The following DLG2 variants were observed in gnomAD, a reference collection of about 807,000 sequenced individuals.
DLG2 encodes the protein disks large homolog 2.
In DLG2, 45 loss-of-function variants were observed where a neutral mutation model predicts 132.5. The observed-to-expected ratio is 0.34, with a 90% CI of 0.27 to 0.44. The LOEUF (loss-of-function observed/expected upper bound fraction) is 0.44, where lower values mean the gene tolerates loss of function less well. DLG2 is among the 20% of genes least tolerant of loss of function. The pLI is 1.00. For synonymous variants in DLG2, 424 were observed against 419.6 expected, an observed-to-expected ratio of 1.01 and a Z score of -0.13; for missense variants, 1,045 against 1,196.9, an observed-to-expected ratio of 0.87 and a Z score of 1.87.
chr11:84,836,588 G>A (rs1383277605), intron 6 of DLG2, among the ~76,000 whole-genome samples: 4 of 151,582 alleles, frequency 2.6e-5, no homozygotes, highest in African/African-American at 4.8e-5. Flanking sequence ...TCTATGTAAG[G>A]GATTATCTTT....
At chr11:84,428,812 A>G (rs996704677) in intron 7 of DLG2, among the ~76,000 whole-genome samples, 1 of 152,196 alleles carries the variant, frequency 6.6e-6, no homozygotes, top group Non-Finnish European at 1.5e-5. Flanking sequence ...TAGGATTGAG[A>G]GTGTTCAAAC....
intron 7 of DLG2, among the ~76,000 whole-genome samples, chr11:84,325,240 C>A (rs573466595): frequency 6.6e-6 from 1 of 151,932 alleles, no homozygotes; most frequent in Non-Finnish European, 1.5e-5. Context: ...ACTTTAAGTT[C>A]TAGGGCACAT....
Position 84,106,868 on chromosome 11 carries a change from TGAGA to T in DLG2, c.625-7825_625-7822del, listed in dbSNP as rs71465962. ...TTGAGTGAGTGTGTGTGTGTATGTG[TGAGA>T]GAGAGAGAGAGAGAGTTTTAGCTTT... On this transcript the variant is annotated intron_variant, in intron 9 of 27. Transcript: ENST00000376104. Among the ~76,000 whole-genome samples the T allele has an allele frequency of 2.0e-3, 273 of 137,626 alleles. 2 individuals are homozygous for T. The highest frequency in any genetic ancestry group is 6.9e-3 in the African/African-American group (252 of 36,462). The allele number at this position is 137,626 out of a possible 152,430, so 90.3% of individuals were successfully genotyped here.
At chr11:84,768,020 C>A (rs1317151855) in intron 6 of DLG2, among the ~76,000 whole-genome samples, 1 of 152,150 alleles carries the variant, frequency 6.6e-6, no homozygotes, top group Non-Finnish European at 1.5e-5. Context: ...AGGACTCAAT[C>A]TGAGTCTCAA....
At position 85,087,844 on chromosome 11, in the gene DLG2, C is replaced by CAAAA. The variant is rs71465019; in HGVS notation, c.357+23813_357+23816dup. 3.0e-3 allele frequency among the ~76,000 whole-genome samples: 65 copies of CAAAA among 22,026 alleles called. 7 individuals carry two copies. Among genetic ancestry groups the CAAAA allele is most frequent in the African/African-American group, 6.5e-3 (54 of 8,302 alleles). The allele number at this position is 22,026 out of a possible 152,430, so 14.4% of individuals were successfully genotyped here. ...TGGGCGACAGAGCGAGACTCCGTCT[C>CAAAA]AAAAAAAAAAAAAAAAAAAAAAAAA... is the stretch of plus-strand genomic sequence containing the variant. On this transcript the variant is annotated intron_variant, in intron 6 of 27. Transcript: ENST00000376104.
chr11:84,172,477 C>A (rs1026517364), intron 8 of DLG2, among the ~76,000 whole-genome samples: 2 of 151,936 alleles, frequency 1.3e-5, no homozygotes, highest in African/African-American at 4.8e-5. Context: ...ATAGCTTCTA[C>A]CACATAAAGA....
intron 3 of DLG2, among the ~76,000 whole-genome samples, chr11:85,504,113 C>G (rs556221836): frequency 6.6e-6 from 1 of 152,152 alleles, no homozygotes; most frequent in Non-Finnish European, 1.5e-5. Flanking sequence ...TGGATATTAG[C>G]TCTTTGTCAG....
intron 6 of DLG2, among the ~76,000 whole-genome samples, chr11:84,618,522 T>C (rs911286780): frequency 1.3e-5 from 2 of 152,182 alleles, no homozygotes; most frequent in East Asian, 1.9e-4. Context: ...AAGTGGGCTG[T>C]AGCAAAATGA....
intron 6 of DLG2, among the ~76,000 whole-genome samples, chr11:84,809,743 A>G (rs906965245): frequency 6.6e-6 from 1 of 152,038 alleles, no homozygotes; most frequent in Non-Finnish European, 1.5e-5. Context: ...AAAATAAACC[A>G]AACAATTTTA....
rs371243838 is a variant in DLG2, at chr11:84,259,077, G to C, written c.520-7786C>G. On this transcript the variant is annotated intron_variant, in intron 7 of 27. Transcript: ENST00000376104. ...ACTTGAAGTCAGGAGTTTGAGACCA[G>C]CCTGGCCAACAGGGTGAAACCCTGT... Among the ~76,000 whole-genome samples the C allele has an allele frequency of 2.0e-5, 3 of 152,082 alleles. No homozygotes were observed. The South Asian group carries it at 6.2e-4, about 31-fold the overall frequency.
chr11:84,980,860 G>A (rs2055635992), intron 6 of DLG2, among the ~76,000 whole-genome samples: 1 of 152,142 alleles, frequency 6.6e-6, no homozygotes, highest in African/African-American at 2.4e-5. Flanking sequence ...GTCACTTGGT[G>A]TGTTCCTCAC....
At chr11:85,358,432 C>G (rs2083906278) in intron 3 of DLG2, among the ~76,000 whole-genome samples, 1 of 152,152 alleles carries the variant, frequency 6.6e-6, no homozygotes, top group African/African-American at 2.4e-5. Flanking sequence ...GTATTTAAAT[C>G]TGGGCTGCTC....
At chr11:83,977,278 G>A (rs964935656) in intron 12 of DLG2, among the ~76,000 whole-genome samples, 5 of 151,788 alleles carry the variant, frequency 3.3e-5, no homozygotes, top group Admixed American at 6.6e-5. Flanking sequence ...AAATGTAAAC[G>A]CAACCATCAC....
chr11:84,003,046 A>C (rs981539976), intron 11 of DLG2, among the ~76,000 whole-genome samples: 1 of 152,146 alleles, frequency 6.6e-6, no homozygotes, highest in Non-Finnish European at 1.5e-5. Context: ...AGATACCCTA[A>C]ATCATCTCTC....
chr11:85,515,049 C>T (rs915849701), intron 3 of DLG2, among the ~76,000 whole-genome samples: 3 of 151,554 alleles, frequency 2.0e-5, no homozygotes, highest in Non-Finnish European at 4.4e-5. Flanking sequence ...ACTGTCAAGA[C>T]AATATTAAAA....
At chr11:84,814,627 C>T (rs1035193675) in intron 6 of DLG2, among the ~76,000 whole-genome samples, 1 of 152,064 alleles carries the variant, frequency 6.6e-6, no homozygotes, top group Non-Finnish European at 1.5e-5. Flanking sequence ...TCATGCTTCT[C>T]ATCTCTGAAT....
intron 18 of DLG2, among the ~76,000 whole-genome samples, chr11:83,734,408 CCT>C: frequency 7.0e-6 from 1 of 143,604 alleles, no homozygotes; most frequent in Admixed American, 7.0e-5. Context: ...TCCTTCCTTC[CCT>C]CCCTCCTTCC....
At chr11:85,303,734 A>T (rs1318544629) in intron 3 of DLG2, among the ~76,000 whole-genome samples, 1 of 152,216 alleles carries the variant, frequency 6.6e-6, no homozygotes, top group Non-Finnish European at 1.5e-5. Flanking sequence ...AATTGCCATT[A>T]ACTAGCTATC....
Position 84,535,753 on chromosome 11 carries a change from G to C in DLG2, c.358-1022C>G, listed in dbSNP as rs142493647. 8.4e-4 allele frequency among the ~76,000 whole-genome samples: 128 copies of C among 152,202 alleles called. 1 individual carries two copies. The highest frequency in any genetic ancestry group is 3.4e-3 in the Middle Eastern group (1 of 294). On this transcript the variant is annotated intron_variant, in intron 6 of 27. Transcript: ENST00000376104. ...TGTCCTACCTGGGAAAGAAGAAAGG[G>C]AACCCTCTACATCTGACCTCTTAAT... is the stretch of plus-strand genomic sequence containing the variant.
Sources: gnomAD v4.1 joint callset for allele counts (sites outside exome capture counted in the v4.1 genomes callset) on GRCh38, gnomAD v4.1.1 for gene constraint, MANE v1.5 for transcripts, NCBI Gene and HGNC (gene_info 2026-07-23, HGNC 2026-07-21) for gene names.